Variants in CDS2 observed in about 807,000 individuals in gnomAD.
The protein encoded by CDS2 is phosphatidate cytidylyltransferase 2.
A neutral mutation model predicts 59.0 loss-of-function variants in CDS2; 47 were observed. The observed-to-expected ratio is 0.80, with a 90% CI of 0.63 to 1.02. The LOEUF (loss-of-function observed/expected upper bound fraction) is 1.02, where lower values mean the gene tolerates loss of function less well. CDS2 is among the 50% of genes least tolerant of loss of function. The probability of loss-of-function intolerance (pLI) is 0.00; values close to 1 mark genes in which losing one functional copy is unlikely to be tolerated. For missense variants in CDS2, 356 were observed against 558.9 expected, an observed-to-expected ratio of 0.64 and a Z score of 3.66; for synonymous variants, 207 against 206.4, an observed-to-expected ratio of 1.00 and a Z score of -0.02.
At position 5,195,830 on chromosome 20, in the gene CDS2, T is replaced by G. The variant is rs559289223; in HGVS notation, c.*5596T>G. ...GGTGACCCATTGAGGACACATGATG[T>G]GAGGTATTTCTGCCGGATTCTAGGT... On this transcript the variant is annotated 3_prime_UTR_variant, in exon 13 of 13. Transcript: ENST00000460006. The G allele has an allele frequency of 2.0e-4, 31 of 152,302 alleles. No individual in the cohort carries two copies. The highest frequency in any genetic ancestry group is 7.0e-4 in the African/African-American group (29 of 41,552). 9.4% of individuals were successfully genotyped at this position (152,302 alleles called of 1,614,324 possible).
At chr20:5,178,138 G>A (rs543625988) in intron 4 of CDS2, among the ~76,000 whole-genome samples, 6 of 152,344 alleles carry the variant, frequency 3.9e-5, no homozygotes, top group East Asian at 1.9e-4. Context: ...TCTCATGAAC[G>A]CCAGTTGAGG....
At chr20:5,162,080 C>T (rs1234470752) in intron 1 of CDS2, among the ~76,000 whole-genome samples, 1 of 152,178 alleles carries the variant, frequency 6.6e-6, no homozygotes, top group African/African-American at 2.4e-5. Flanking sequence ...AATAAGTAGA[C>T]TGTACAAGCT....
chr20:5,168,416 C>G (rs1304318017), intron 1 of CDS2, among the ~76,000 whole-genome samples: 1 of 123,646 alleles, frequency 8.1e-6, no homozygotes, highest in Non-Finnish European at 1.7e-5. Context: ...CTCTGTCCCC[C>G]CAAAAAAAAA....
intron 1 of CDS2, among the ~76,000 whole-genome samples, chr20:5,145,374 A>C (rs928784846): frequency 2.6e-5 from 4 of 151,934 alleles, no homozygotes; most frequent in African/African-American, 9.7e-5. Flanking sequence ...TTGAGCCTGG[A>C]GGAATAGCCA....
intron 1 of CDS2, among the ~76,000 whole-genome samples, chr20:5,161,390 T>C (rs1438425289): frequency 6.6e-6 from 1 of 152,198 alleles, no homozygotes; most frequent in East Asian, 1.9e-4. Context: ...TTGGACAGTA[T>C]AGAGAGAACA....
intron 1 of CDS2, among the ~76,000 whole-genome samples, chr20:5,142,139 C>T (rs1370950266): frequency 6.6e-6 from 1 of 152,164 alleles, no homozygotes; most frequent in Non-Finnish European, 1.5e-5. Context: ...TAGAGTGAGA[C>T]CCTATCTCCT....
chr20:5,185,854 G>A (rs1382578147), intron 9 of CDS2, 28 bp downstream of exon 9: 1 of 1,606,630 alleles, frequency 6.2e-7, no homozygotes, highest in Non-Finnish European at 8.5e-7. Flanking sequence ...GCTGTGTAAG[G>A]GATTGGGTGG....
At chr20:5,160,763 G>A (rs933661121) in intron 1 of CDS2, among the ~76,000 whole-genome samples, 20 of 151,878 alleles carry the variant, frequency 1.3e-4, no homozygotes, top group African/African-American at 4.6e-4. Flanking sequence ...CTGTCTCTAC[G>A]AATTTGACTA....
chr20:5,185,645 C>T, intron 8 of CDS2, 113 bp from the exon 9 acceptor site: 2 of 868,374 alleles, frequency 2.3e-6, no homozygotes, highest in South Asian at 3.2e-5. Context: ...TAAAAGGTGA[C>T]ATGGTTAAGA....
intron 1 of CDS2, among the ~76,000 whole-genome samples, chr20:5,132,034 T>C (rs191596349): frequency 6.6e-5 from 10 of 152,318 alleles, no homozygotes; most frequent in Admixed American, 2.0e-4. Flanking sequence ...ATTCATTACC[T>C]TTTAAGGAAA....
chr20:5,163,079 C>T (rs1329701577), intron 1 of CDS2, among the ~76,000 whole-genome samples: 2 of 152,116 alleles, frequency 1.3e-5, no homozygotes, highest in African/African-American at 2.4e-5. Context: ...TACTGTGGCT[C>T]ATGCTTATTC....
rs1363746431 is a variant in CDS2, at chr20:5,197,292, C to T, written c.*7058C>T. On this transcript the variant is annotated 3_prime_UTR_variant, in exon 13 of 13. Coordinates refer to ENST00000460006, the MANE Select transcript of CDS2 (RefSeq NM_003818.4). ...CGAGCTGTGGACATCCTTCTTAATT[C>T]GATTCTGAGGATTTGTTTAACTAAA... 3.3e-5 allele frequency: 4 copies of T among 121,538 alleles called. No homozygotes were observed. Among genetic ancestry groups the T allele is most frequent in the South Asian group, 2.8e-4 (1 of 3,586 alleles). The allele number at this position is 121,538 out of a possible 1,614,324, so 7.5% of individuals were successfully genotyped here. A position where few individuals can be genotyped will look rare whatever the true frequency, so the allele number is the denominator to read the frequency against.
chr20:5,184,882 G>A lies in CDS2; in HGVS notation c.696G>A (p.Val232=). Residue 232 remains valine (V), a synonymous_variant, in exon 8 of 13, where the codon GTG becomes GTA. Transcript: ENST00000460006. This position sits in a 1 kb window ranked among gnomAD's most constrained non-coding sequence, Gnocchi z 4.3. ...MIWFIVPISC[V]ICNDIMAYMF... is the part of the protein sequence containing the mutation. ...GGTTCATTGTCCCCATATCTTGTGT[G>A]ATCTGTAATGACATCATGGCCTATA... The A allele has an allele frequency of 6.2e-7, 1 of 1,613,904 alleles. No individual in the cohort carries two copies. Among genetic ancestry groups the A allele is most frequent in the Non-Finnish European group, 8.5e-7 (1 of 1,179,862 alleles).
At position 5,181,668 on chromosome 20, in the gene CDS2, A is replaced by T. The variant is rs554976357; in HGVS notation, c.530-719A>T. Among the ~76,000 whole-genome samples, 3 of 152,306 alleles carry T rather than the reference A, an allele frequency of 2.0e-5. No homozygotes were observed. In the South Asian group the frequency reaches 6.2e-4, roughly 32 times the overall value. On this transcript the variant is annotated intron_variant, in intron 5 of 12. Transcript: ENST00000460006. ...GGAAATGCATTGTTGTCATTTTGTC[A>T]TTGTGCAAACATTGTAGAGTGTACT...
At chr20:5,155,753 TC>T (rs2123003695) in intron 1 of CDS2, among the ~76,000 whole-genome samples, 1 of 152,352 alleles carries the variant, frequency 6.6e-6, no homozygotes, top group African/African-American at 2.4e-5. Context: ...ATTCACAGTT[TC>T]CAGGGATTAG....
chr20:5,132,482 A>G (rs2090615502), intron 1 of CDS2, among the ~76,000 whole-genome samples: 1 of 152,240 alleles, frequency 6.6e-6, no homozygotes, highest in Admixed American at 6.5e-5. Flanking sequence ...ACACTGTTGT[A>G]TGCAATTACC....
rs2091121924 is a variant in CDS2 at position 5,192,309 on chromosome 20, C to T, written c.*2075C>T. 1 of 148,842 alleles carries T rather than the reference C, an allele frequency of 6.7e-6. No homozygotes were observed. Among genetic ancestry groups the T allele is most frequent in the African/African-American group, 2.5e-5 (1 of 40,340 alleles). The allele number at this position is 148,842 out of a possible 1,614,324, so 9.2% of individuals were successfully genotyped here. A position where few individuals can be genotyped will look rare whatever the true frequency, so the allele number is the denominator to read the frequency against. On this transcript the variant is annotated 3_prime_UTR_variant, in exon 13 of 13. Coordinates refer to ENST00000460006, the MANE Select transcript of CDS2 (RefSeq NM_003818.4). Reference sequence around the variant, plus strand: ...AGGGAGCCGAGCATACTGGGCAAGGCTCATCATGTTCCTTTGTGGAAGTGG... The same window carrying T: ...AGGGAGCCGAGCATACTGGGCAAGGTTCATCATGTTCCTTTGTGGAAGTGG...
At chr20:5,159,886 A>T (rs1208383486) in intron 1 of CDS2, among the ~76,000 whole-genome samples, 1 of 152,244 alleles carries the variant, frequency 6.6e-6, no homozygotes, top group Non-Finnish European at 1.5e-5. Flanking sequence ...AAGTTTGTAC[A>T]TCTTAGCAGT....
At chr20:5,128,251 C>G (rs975089028) in intron 1 of CDS2, 3 of 152,178 alleles carry the variant, frequency 2.0e-5, no homozygotes, top group Admixed American at 6.5e-5. Flanking sequence ...ACCAGGCTCA[C>G]GGCTTCCCCT....
Sources: gnomAD v4.1 joint callset for allele counts (sites outside exome capture counted in the v4.1 genomes callset) on GRCh38, gnomAD v4.1.1 for gene constraint, Gnocchi (gnomAD v3.1) non-coding constraint, MANE v1.5 for transcripts, NCBI Gene and HGNC (gene_info 2026-07-23, HGNC 2026-07-21) for gene names.